The following TRIM59 variants were observed in gnomAD, a reference collection of about 807,000 sequenced individuals.
TRIM59 encodes tripartite motif-containing protein 59.
In TRIM59, 14 loss-of-function variants were observed where a neutral mutation model predicts 32.2. The ratio of observed to expected loss-of-function variants is 0.43; its 90% CI spans 0.29 to 0.68. The LOEUF is 0.68. TRIM59 is among the 30% of genes least tolerant of loss of function. The pLI is 0.15. For synonymous variants in TRIM59, 163 were observed against 155.1 expected, an observed-to-expected ratio of 1.05 and a Z score of -0.38; for missense variants, 471 against 463.3, an observed-to-expected ratio of 1.02 and a Z score of -0.15.
At position 160,435,708 on chromosome 3, in the gene TRIM59, C is replaced by A; in HGVS notation, c.*2264G>T. On this transcript the variant is annotated 3_prime_UTR_variant, in exon 3 of 3. Coordinates refer to ENST00000309784, the MANE Select transcript of TRIM59 (RefSeq NM_173084.3). The stretch of plus-strand genomic sequence containing the variant: ...AGTTCTCCTAAAAACTGGCAAGATA[C>A]AAAATGTCAAATCTAAAATGATATA... 7.9e-6 allele frequency: 2 copies of A among 251,630 alleles called. No individual in the cohort carries two copies. Among genetic ancestry groups the A allele is most frequent in the South Asian group, 8.3e-5 (2 of 24,126 alleles). The allele number at this position is 251,630 out of a possible 1,614,324, so 15.6% of individuals were successfully genotyped here.
In TRIM59 at chr3:160,437,210, G is replaced by T. The variant is rs1444553074; in HGVS notation, c.*762C>A. On this transcript the variant is annotated 3_prime_UTR_variant, in exon 3 of 3. Coordinates refer to ENST00000309784, the MANE Select transcript of TRIM59 (RefSeq NM_173084.3). ...CTACAAAAAACAATTTTTTTAATTA[G>T]CCAGGCATGGGGGTGTGTGCCTTGT... is the stretch of plus-strand genomic sequence containing the variant. The T allele has an allele frequency of 5.3e-5, 30 of 560,764 alleles. No homozygotes were observed. Among genetic ancestry groups the T allele is most frequent in the Non-Finnish European group, 6.8e-5 (30 of 442,360 alleles). The allele number at this position is 560,764 out of a possible 1,614,324, so 34.7% of individuals were successfully genotyped here.
chr3:160,445,314 G>A (rs1043204839), intron 2 of TRIM59, among the ~76,000 whole-genome samples: 5 of 152,078 alleles, frequency 3.3e-5, no homozygotes, highest in Non-Finnish European at 5.9e-5. Context: ...TACTCAGGAG[G>A]CTGAGGAGGG....
Position 160,438,345 on chromosome 3 carries a change from C to G in TRIM59, c.839G>C (p.Arg280Pro), listed in dbSNP as rs555593021. Residue 280 changes from arginine (R) to proline (P), a missense_variant, in exon 3 of 3, where the codon CGA becomes CCA. Coordinates refer to ENST00000309784, the MANE Select transcript of TRIM59 (RefSeq NM_173084.3). ...PEVQPVEIYP[R>P]VSKILKEEWS... The stretch of plus-strand genomic sequence containing the variant: ...TTCTTCTTTCAATATTTTGCTTACT[C>G]GAGGATAAATTTCAACGGGTTGAAC... 6.2e-7 allele frequency: 1 copy of G among 1,613,304 alleles called. No individual in the cohort carries two copies. The highest frequency in any genetic ancestry group is 8.5e-7 in the Non-Finnish European group (1 of 1,179,838).
rs958594746 is a variant in TRIM59, at chr3:160,436,363, C to G, written c.*1609G>C. ...TCCAAGAGCAGCCCCTTTGGGATTT[C>G]TGGAAAGCAAATCAACCTGCACTTA... On this transcript the variant is annotated 3_prime_UTR_variant, in exon 3 of 3. Transcript: ENST00000309784. The G allele has an allele frequency of 2.0e-6, 2 of 986,098 alleles. No individual in the cohort carries two copies. Among genetic ancestry groups the G allele is most frequent in the Non-Finnish European group, 2.4e-6 (2 of 830,146 alleles). The allele number at this position is 986,098 out of a possible 1,614,324, so 61.1% of individuals were successfully genotyped here. A position where few individuals can be genotyped will look rare whatever the true frequency, so the allele number is the denominator to read the frequency against.
At chr3:160,445,773 CA>C (rs75175042) in intron 2 of TRIM59, among the ~76,000 whole-genome samples, 43,369 of 91,064 alleles carry the variant, frequency 0.48, 6,907 homozygotes, top group Non-Finnish European at 0.49. Flanking sequence ...GACTCTGTCT[CA>C]AAAAAAAAAA....
Position 160,449,772 on chromosome 3 carries a change from C to A in TRIM59, c.-129G>T, listed in dbSNP as rs1014259313. The A allele has an allele frequency of 4.7e-6, 6 of 1,277,678 alleles. No individual in the cohort carries two copies. The highest frequency in any genetic ancestry group is 1.1e-4 in the East Asian group (2 of 17,966). The allele number at this position is 1,277,678 out of a possible 1,614,324, so 79.1% of individuals were successfully genotyped here. A position where few individuals can be genotyped will look rare whatever the true frequency, so the allele number is the denominator to read the frequency against. On this transcript the variant is annotated 5_prime_UTR_variant, in exon 1 of 3. Coordinates refer to ENST00000309784, the MANE Select transcript of TRIM59 (RefSeq NM_173084.3). Reference sequence around the variant, plus strand: ...CAGCACGGAAACACAGCGCCACGAGCTCCAGGCGGATGCTGAGAGCCGCCC... The same window carrying A: ...CAGCACGGAAACACAGCGCCACGAGATCCAGGCGGATGCTGAGAGCCGCCC...
At chr3:160,446,092 G>A (rs1719515779) in intron 2 of TRIM59, among the ~76,000 whole-genome samples, 1 of 152,004 alleles carries the variant, frequency 6.6e-6, no homozygotes, top group Non-Finnish European at 1.5e-5. Context: ...TTACAGCTGT[G>A]AGCCACCATG....
chr3:160,443,644 TC>T (rs1719371229), intron 2 of TRIM59, among the ~76,000 whole-genome samples: 1 of 151,796 alleles, frequency 6.6e-6, no homozygotes, highest in East Asian at 1.9e-4. Flanking sequence ...AAAAGACAGA[TC>T]TTTTTTTTTT....
Position 160,437,589 on chromosome 3 carries a change from G to A in TRIM59, c.*383C>T, listed in dbSNP as rs1050479115. 3.0e-6 allele frequency: 3 copies of A among 987,894 alleles called. No individual in the cohort carries two copies. The highest frequency in any genetic ancestry group is 3.6e-6 in the Non-Finnish European group (3 of 831,754). 61.2% of individuals were successfully genotyped at this position (987,894 alleles called of 1,614,324 possible). A position where few individuals can be genotyped will look rare whatever the true frequency, so the allele number is the denominator to read the frequency against. On this transcript the variant is annotated 3_prime_UTR_variant, in exon 3 of 3. Coordinates refer to ENST00000309784, the MANE Select transcript of TRIM59 (RefSeq NM_173084.3). ...AAGCTTCAAGCCACATCAAAATAAA[G>A]GTATATGTTCTTTCAGGATTTTGCT... is the stretch of plus-strand genomic sequence containing the variant.
chr3:160,448,613 G>T, intron 2 of TRIM59, 113 bp downstream of exon 2: 2 of 570,902 alleles, frequency 3.5e-6, no homozygotes, highest in Non-Finnish European at 5.6e-6. Context: ...TTTATACACC[G>T]CCAACACAAT....
At position 160,436,349 on chromosome 3, in the gene TRIM59, C is replaced by T. The variant is rs886921787; in HGVS notation, c.*1623G>A. 3.0e-6 allele frequency: 3 copies of T among 985,936 alleles called. No homozygotes were observed. Among genetic ancestry groups the T allele is most frequent in the African/African-American group, 1.7e-5 (1 of 57,232 alleles). 61.1% of individuals were successfully genotyped at this position (985,936 alleles called of 1,614,324 possible). A position where few individuals can be genotyped will look rare whatever the true frequency, so the allele number is the denominator to read the frequency against. ...AGGCTCTTCGGTGATCCAAGAGCAG[C>T]CCCTTTGGGATTTCTGGAAAGCAAA... On this transcript the variant is annotated 3_prime_UTR_variant, in exon 3 of 3. Coordinates refer to ENST00000309784, the MANE Select transcript of TRIM59 (RefSeq NM_173084.3).
Position 160,437,024 on chromosome 3 carries a change from T to C in TRIM59, c.*948A>G, listed in dbSNP as rs1398288867. The C allele has an allele frequency of 3.0e-6, 3 of 985,020 alleles. No individual in the cohort carries two copies. Among genetic ancestry groups the C allele is most frequent in the Non-Finnish European group, 3.6e-6 (3 of 829,900 alleles). The allele number at this position is 985,020 out of a possible 1,614,324, so 61.0% of individuals were successfully genotyped here. A position where few individuals can be genotyped will look rare whatever the true frequency, so the allele number is the denominator to read the frequency against. On this transcript the variant is annotated 3_prime_UTR_variant, in exon 3 of 3. Coordinates refer to ENST00000309784, the MANE Select transcript of TRIM59 (RefSeq NM_173084.3). ...GAGCAGAAAAAAAAACAATCTTAAA[T>C]TTGCACAAACTATAGAATATGACAA...
In TRIM59 at chr3:160,435,835, T is replaced by A. The variant is rs570027023; in HGVS notation, c.*2137A>T. On this transcript the variant is annotated 3_prime_UTR_variant, in exon 3 of 3. Transcript: ENST00000309784. ...GATAGCATGAACTCTGAAAAGAGAA[T>A]GCATGGGTTTTCTCACAGCTATATG... The A allele has an allele frequency of 1.5e-6, 1 of 666,076 alleles. No individual in the cohort carries two copies. Among genetic ancestry groups the A allele is most frequent in the African/African-American group, 1.8e-5 (1 of 54,098 alleles). The allele number at this position is 666,076 out of a possible 1,614,324, so 41.3% of individuals were successfully genotyped here.
chr3:160,441,615 G>A (rs1356107307), intron 2 of TRIM59, among the ~76,000 whole-genome samples: 5 of 151,888 alleles, frequency 3.3e-5, no homozygotes, highest in Non-Finnish European at 1.5e-5. Flanking sequence ...TTAGCCAGGT[G>A]TGGTGGTGGG....
In TRIM59 at chr3:160,436,591, G is replaced by C. The variant is rs1020654528; in HGVS notation, c.*1381C>G. 3.5e-6 allele frequency: 3 copies of C among 860,998 alleles called. No homozygotes were observed. Among genetic ancestry groups the C allele is most frequent in the Non-Finnish European group, 4.2e-6 (3 of 716,204 alleles). 53.3% of individuals were successfully genotyped at this position (860,998 alleles called of 1,614,324 possible). A position where few individuals can be genotyped will look rare whatever the true frequency, so the allele number is the denominator to read the frequency against. ...AGGCGAGTGGATCATGAGGTCAGGAGATAGAGACCATCCTGGCTAACACAG... is the reference window on the plus strand; with the variant it reads ...AGGCGAGTGGATCATGAGGTCAGGACATAGAGACCATCCTGGCTAACACAG... On this transcript the variant is annotated 3_prime_UTR_variant, in exon 3 of 3. Coordinates refer to ENST00000309784, the MANE Select transcript of TRIM59 (RefSeq NM_173084.3).
Position 160,437,223 on chromosome 3 carries a change from G to C in TRIM59, c.*749C>G, listed in dbSNP as rs1055489514. 7.3e-6 allele frequency: 4 copies of C among 544,450 alleles called. No individual in the cohort carries two copies. The highest frequency in any genetic ancestry group is 2.3e-6 in the Non-Finnish European group (1 of 427,744). 33.7% of individuals were successfully genotyped at this position (544,450 alleles called of 1,614,324 possible). On this transcript the variant is annotated 3_prime_UTR_variant, in exon 3 of 3. Transcript: ENST00000309784. Reference sequence around the variant, plus strand: ...TTTTTTTAATTAGCCAGGCATGGGGGTGTGTGCCTTGTCCCAGCTGCTCCA... The same window carrying C: ...TTTTTTTAATTAGCCAGGCATGGGGCTGTGTGCCTTGTCCCAGCTGCTCCA...
In TRIM59 at chr3:160,438,448, A is replaced by G; in HGVS notation, c.736T>C (p.Ser246Pro). 1 of 1,613,706 alleles carries G rather than the reference A, an allele frequency of 6.2e-7. No individual in the cohort carries two copies. Among genetic ancestry groups the G allele is most frequent in the Non-Finnish European group, 8.5e-7 (1 of 1,179,908 alleles). ...MALTISLQEE[S>P]PLKFLEKVDD... ...ACTTTTTCAAGAAATTTAAGTGGAG[A>G]CTCTTCTTGTAAAGATATTGTCAGT... Residue 246 changes from serine (S) to proline (P), a missense_variant, in exon 3 of 3, where the codon TCT (serine) becomes CCT (proline). Physicochemically the swap from Ser to Pro is moderately conservative, Grantham distance 74. Transcript: ENST00000309784.
chr3:160,442,115 G>A (rs748602535), intron 2 of TRIM59, among the ~76,000 whole-genome samples: 28 of 152,292 alleles, frequency 1.8e-4, no homozygotes, highest in African/African-American at 4.6e-4. Flanking sequence ...AGCAGTCGAC[G>A]TACATTTAAT....
intron 2 of TRIM59, among the ~76,000 whole-genome samples, chr3:160,440,682 C>T (rs1456472110): frequency 4.6e-5 from 7 of 152,048 alleles, no homozygotes; most frequent in Non-Finnish European, 7.4e-5. Context: ...GAGGCCGAGG[C>T]GGGCGGATCA....
Sources: allele counts gnomAD v4.1 joint callset (sites outside exome capture counted in the v4.1 genomes callset), GRCh38; gene constraint gnomAD v4.1.1; transcripts MANE v1.5; gene names NCBI Gene and HGNC (gene_info 2026-07-23, HGNC 2026-07-21).